CMSS1: variants seen among roughly 807,000 people sequenced by gnomAD.
The protein encoded by CMSS1 is protein CMSS1.
Under a neutral mutation model 43.5 loss-of-function variants are expected in CMSS1, and 33 were observed. The observed-to-expected ratio is 0.76, with a 90% confidence interval of 0.57 to 1.01. The LOEUF is 1.01. CMSS1 is among the 50% of genes least tolerant of loss of function. The probability of loss-of-function intolerance (pLI) is 0.00; values close to 1 mark genes in which losing one functional copy is unlikely to be tolerated. For missense variants in CMSS1, 313 were observed against 326.4 expected, an observed-to-expected ratio of 0.96 and a Z score of 0.32; for synonymous variants, 115 against 117.2, an observed-to-expected ratio of 0.98 and a Z score of 0.12.
In CMSS1 at chr3:100,090,085, T is replaced by C. The variant is rs115832807; in HGVS notation, c.65-56888T>C. On this transcript the variant is annotated intron_variant, in intron 1 of 9. Coordinates refer to ENST00000421999, the MANE Select transcript of CMSS1 (RefSeq NM_032359.4). ...TGATGTTTATCTCAAAGCTCATTGC[T>C]TCACTGTCTGCAGCTGATCCTTCTG... 4.3e-3 allele frequency among the ~76,000 whole-genome samples: 653 copies of C among 152,354 alleles called. 7 individuals are homozygous for C. Among genetic ancestry groups the C allele is most frequent in the African/African-American group, 0.015 (640 of 41,590 alleles).
chr3:100,131,126 T>A (rs1208420512), intron 1 of CMSS1, among the ~76,000 whole-genome samples: 2 of 152,226 alleles, frequency 1.3e-5, no homozygotes, highest in Non-Finnish European at 2.9e-5. Flanking sequence ...CAGGACTCCA[T>A]GTAACAACCC....
chr3:99,847,115 C>A (rs1052187333), intron 1 of CMSS1, among the ~76,000 whole-genome samples: 1 of 152,074 alleles, frequency 6.6e-6, no homozygotes, highest in African/African-American at 2.4e-5. Context: ...TATATTACTT[C>A]TTTCAACTAA....
At chr3:100,089,269 T>G (rs1283618464) in intron 1 of CMSS1, among the ~76,000 whole-genome samples, 1 of 152,212 alleles carries the variant, frequency 6.6e-6, no homozygotes, top group East Asian at 1.9e-4. Flanking sequence ...GTATTTGCCC[T>G]ACAGGAAGTA....
intron 1 of CMSS1, among the ~76,000 whole-genome samples, chr3:99,951,407 A>G (rs1425137778): frequency 6.6e-6 from 1 of 152,114 alleles, no homozygotes; most frequent in Non-Finnish European, 1.5e-5. Flanking sequence ...TACCTTGCGC[A>G]TAGTATGTAC....
chr3:100,030,276 G>C (rs1347856269), intron 1 of CMSS1, among the ~76,000 whole-genome samples: 1 of 152,070 alleles, frequency 6.6e-6, no homozygotes, highest in Non-Finnish European at 1.5e-5. Flanking sequence ...GAGCTGGCTT[G>C]GATGAGAAAG....
At chr3:100,133,575 G>A (rs1012787726) in intron 1 of CMSS1, among the ~76,000 whole-genome samples, 1 of 152,130 alleles carries the variant, frequency 6.6e-6, no homozygotes, top group Non-Finnish European at 1.5e-5. Flanking sequence ...TATCAAATTT[G>A]TAGTATAGTA....
chr3:99,918,672 C>T (rs921823286), intron 1 of CMSS1, among the ~76,000 whole-genome samples: 38 of 152,148 alleles, frequency 2.5e-4, no homozygotes, highest in African/African-American at 3.9e-4. Flanking sequence ...TCATGATGGA[C>T]GGTCCTAAAT....
At chr3:99,912,498 C>T (rs1297852434) in intron 1 of CMSS1, among the ~76,000 whole-genome samples, 2 of 152,164 alleles carry the variant, frequency 1.3e-5, no homozygotes, top group African/African-American at 2.4e-5. Flanking sequence ...CTACCTCAGC[C>T]GCCCAGGTAG....
At chr3:100,003,051 G>C (rs576006513) in intron 1 of CMSS1, among the ~76,000 whole-genome samples, 44 of 152,256 alleles carry the variant, frequency 2.9e-4, no homozygotes, top group South Asian at 1.9e-3. Context: ...CTCTAGCTGT[G>C]TACTGCTTGA....
At chr3:100,031,916 A>G (rs1340978221) in intron 1 of CMSS1, among the ~76,000 whole-genome samples, 1 of 152,226 alleles carries the variant, frequency 6.6e-6, no homozygotes, top group East Asian at 1.9e-4. Context: ...ATTAATGAGC[A>G]TGGCTGTGTT....
chr3:99,966,873 G>C (rs1346926308), intron 1 of CMSS1, among the ~76,000 whole-genome samples: 2 of 152,164 alleles, frequency 1.3e-5, no homozygotes, highest in Non-Finnish European at 2.9e-5. Context: ...ACTAACTCAA[G>C]CTGGCAGAAC....
chr3:99,825,769 C>CT (rs1942524727), intron 1 of CMSS1, among the ~76,000 whole-genome samples: 2 of 139,660 alleles, frequency 1.4e-5, no homozygotes, highest in African/African-American at 2.6e-5. Context: ...TTCTTTTTTT[C>CT]TTTTTCTTTT....
intron 1 of CMSS1, chr3:100,141,659 G>A (rs770961071): frequency 1.5e-4 from 64 of 430,220 alleles, no homozygotes; most frequent in Non-Finnish European, 2.6e-4. Context: ...AAGAGAAGAT[G>A]TGCAACCTTA....
intron 1 of CMSS1, among the ~76,000 whole-genome samples, chr3:99,976,313 A>G (rs1559710716): frequency 6.6e-6 from 1 of 152,218 alleles, no homozygotes; most frequent in African/African-American, 2.4e-5. Flanking sequence ...TTATAACCAA[A>G]TAATTATATA....
At chr3:99,981,153 C>G (rs1342156025) in intron 1 of CMSS1, among the ~76,000 whole-genome samples, 1 of 152,188 alleles carries the variant, frequency 6.6e-6, no homozygotes, top group Non-Finnish European at 1.5e-5. Flanking sequence ...CACAAACACC[C>G]TGTGCTGGGA....
intron 1 of CMSS1, among the ~76,000 whole-genome samples, chr3:100,042,306 T>C (rs2065218217): frequency 6.6e-6 from 1 of 152,198 alleles, no homozygotes; most frequent in Non-Finnish European, 1.5e-5. Flanking sequence ...CTTGATTTTT[T>C]TTTGTATTCT....
At chr3:100,011,355 G>C (rs1710151442) in intron 1 of CMSS1, among the ~76,000 whole-genome samples, 1 of 152,136 alleles carries the variant, frequency 6.6e-6, no homozygotes, top group East Asian at 1.9e-4. Flanking sequence ...ATCATGCCAT[G>C]CCCAGCGTGT....
At chr3:99,883,333 A>G (rs543225337) in intron 1 of CMSS1, among the ~76,000 whole-genome samples, 2 of 152,322 alleles carry the variant, frequency 1.3e-5, no homozygotes, top group South Asian at 4.1e-4. Context: ...TTGCTTTGAC[A>G]TAAAAGTCTT....
intron 1 of CMSS1, among the ~76,000 whole-genome samples, chr3:99,906,635 T>A (rs1706627173): frequency 6.6e-6 from 1 of 152,242 alleles, no homozygotes; most frequent in Non-Finnish European, 1.5e-5. Context: ...ACAGAAAGGT[T>A]AAGTGGTTTG....
Sources: gnomAD v4.1 joint callset for allele counts (sites outside exome capture counted in the v4.1 genomes callset) on GRCh38, gnomAD v4.1.1 for gene constraint, MANE v1.5 for transcripts, NCBI Gene and HGNC (gene_info 2026-07-23, HGNC 2026-07-21) for gene names.